Variants in RGL1 observed in about 807,000 individuals in gnomAD.
RGL1 encodes ral guanine nucleotide dissociation stimulator like 1.
Under a neutral mutation model 95.2 loss-of-function variants are expected in RGL1, and 24 were observed. That is an observed-to-expected ratio of 0.25 (90% CI 0.18 to 0.35). RGL1 has a LOEUF of 0.35. Among genes scored for constraint, RGL1 ranks in the 10% least tolerant of loss-of-function variants. The probability of loss-of-function intolerance (pLI) is 1.00; values close to 1 mark genes in which losing one functional copy is unlikely to be tolerated. For synonymous variants in RGL1, 329 were observed against 344.9 expected, an observed-to-expected ratio of 0.95 and a Z score of 0.51; for missense variants, 715 against 936.3, an observed-to-expected ratio of 0.76 and a Z score of 3.08.
intron 12 of RGL1, among the ~76,000 whole-genome samples, chr1:183,903,671 A>G (rs891821816): frequency 1.2e-4 from 19 of 152,332 alleles, no homozygotes; most frequent in African/African-American, 4.3e-4. Flanking sequence ...TACAACCTGA[A>G]AAGGGTTTGT....
At chr1:183,838,623 G>A (rs1035257942) in intron 2 of RGL1, among the ~76,000 whole-genome samples, 1 of 152,120 alleles carries the variant, frequency 6.6e-6, no homozygotes, top group Non-Finnish European at 1.5e-5. Flanking sequence ...TTTCTTCATA[G>A]TTCAGAGGTG....
chr1:183,911,632 G>C (rs1191757791), intron 14 of RGL1, among the ~76,000 whole-genome samples: 1 of 152,170 alleles, frequency 6.6e-6, no homozygotes, highest in Non-Finnish European at 1.5e-5. Flanking sequence ...TTATCTAGCT[G>C]TTTTATAGAG....
chr1:183,760,848 C>T (rs1252001726), intron 2 of RGL1, among the ~76,000 whole-genome samples: 1 of 152,226 alleles, frequency 6.6e-6, no homozygotes, highest in East Asian at 1.9e-4. Flanking sequence ...GTTGTCATTT[C>T]ACCACATTCG....
At chr1:183,851,793 G>C (rs1044289929) in intron 3 of RGL1, among the ~76,000 whole-genome samples, 1 of 152,222 alleles carries the variant, frequency 6.6e-6, no homozygotes, top group African/African-American at 2.4e-5. Flanking sequence ...TCTTGAGCCA[G>C]GCTTCAGTCT....
intron 1 of RGL1, among the ~76,000 whole-genome samples, chr1:183,739,758 A>T (rs1657171032): frequency 6.6e-6 from 1 of 152,170 alleles, no homozygotes; most frequent in South Asian, 2.1e-4. Flanking sequence ...GAATCGTTTA[A>T]AACTCACAAT....
chr1:183,864,849 A>G (rs1358316856), intron 3 of RGL1, among the ~76,000 whole-genome samples: 1 of 152,226 alleles, frequency 6.6e-6, no homozygotes, highest in Non-Finnish European at 1.5e-5. Flanking sequence ...CACCAGATGG[A>G]CTGGCGTTGG....
chr1:183,725,588 A>C (rs976540847), intron 1 of RGL1, among the ~76,000 whole-genome samples: 1 of 152,230 alleles, frequency 6.6e-6, no homozygotes, highest in African/African-American at 2.4e-5. Context: ...ATAAAGAGGA[A>C]TATTTCACAA....
At chr1:183,861,573 C>T (rs182024615) in intron 3 of RGL1, among the ~76,000 whole-genome samples, 41 of 152,258 alleles carry the variant, frequency 2.7e-4, no homozygotes, top group Admixed American at 2.7e-3. Flanking sequence ...TAAGGCTGCA[C>T]TTTAGGAGAC....
At chr1:183,740,124 A>T (rs1479933317) in intron 1 of RGL1, among the ~76,000 whole-genome samples, 3 of 152,122 alleles carry the variant, frequency 2.0e-5, no homozygotes, top group South Asian at 2.1e-4. Context: ...TTTCCTACTA[A>T]TCTGGCCTGT....
intron 1 of RGL1, among the ~76,000 whole-genome samples, chr1:183,644,068 C>T (rs1650124570): frequency 6.6e-6 from 1 of 152,104 alleles, no homozygotes; most frequent in South Asian, 2.1e-4. Context: ...AGAGGATGCC[C>T]ATTGGTACTG....
At chr1:183,880,909 AAAC>A in intron 5 of RGL1, 109 bp downstream of exon 5, 4 of 934,508 alleles carry the variant, frequency 4.3e-6, no homozygotes, top group Non-Finnish European at 6.3e-6. Context: ...GGTACCCTCA[AAAC>A]AACATGCTGC....
At chr1:183,782,790 T>A (rs1385510844) in intron 2 of RGL1, among the ~76,000 whole-genome samples, 4 of 152,190 alleles carry the variant, frequency 2.6e-5, no homozygotes, top group Non-Finnish European at 4.4e-5. Flanking sequence ...GAGTGCAAAG[T>A]AATGATGCAC....
chr1:183,656,960 A>G (rs1335584372), intron 1 of RGL1, among the ~76,000 whole-genome samples: 7 of 152,094 alleles, frequency 4.6e-5, no homozygotes, highest in Middle Eastern at 3.4e-3. Flanking sequence ...TTTCCCCACA[A>G]AATGAAATTA....
chr1:183,900,732 C>T (rs911990527), intron 11 of RGL1, among the ~76,000 whole-genome samples: 1 of 151,818 alleles, frequency 6.6e-6, no homozygotes, highest in African/African-American at 2.4e-5. Context: ...CCTTGAACTC[C>T]TGACCACAGG....
At chr1:183,820,387 C>G (rs1255654094) in intron 2 of RGL1, among the ~76,000 whole-genome samples, 1 of 152,062 alleles carries the variant, frequency 6.6e-6, no homozygotes, top group Non-Finnish European at 1.5e-5. Flanking sequence ...GGTGATAATG[C>G]TTATTTATTG....
At chr1:183,892,796 C>T (rs1667496036) in intron 9 of RGL1, among the ~76,000 whole-genome samples, 1 of 152,136 alleles carries the variant, frequency 6.6e-6, no homozygotes, top group Non-Finnish European at 1.5e-5. Flanking sequence ...CACTAAACAA[C>T]AAGAATAAAT....
intron 1 of RGL1, chr1:183,742,006 A>T: frequency 1.5e-6 from 1 of 682,462 alleles, no homozygotes; most frequent in Non-Finnish European, 2.4e-6. Context: ...GTTGATGCCT[A>T]TTATGATACT....
intron 2 of RGL1, among the ~76,000 whole-genome samples, chr1:183,807,786 G>A (rs540095585): frequency 2.6e-5 from 4 of 152,242 alleles, no homozygotes; most frequent in Admixed American, 2.6e-4. Flanking sequence ...GAGAACTAGA[G>A]GTCTTCACTT....
intron 4 of RGL1, among the ~76,000 whole-genome samples, chr1:183,875,025 G>A (rs1382918541): frequency 1.3e-5 from 2 of 152,140 alleles, no homozygotes; most frequent in African/African-American, 2.4e-5. Context: ...AAGGCCCACC[G>A]TCTGCGTAAA....
Sources: gnomAD v4.1 joint callset for allele counts (sites outside exome capture counted in the v4.1 genomes callset) on GRCh38, gnomAD v4.1.1 for gene constraint, MANE v1.5 for transcripts, NCBI Gene and HGNC (gene_info 2026-07-23, HGNC 2026-07-21) for gene names.